The following GRM8 variants were observed in gnomAD, a reference collection of about 807,000 sequenced individuals.
GRM8 encodes the protein metabotropic glutamate receptor 8.
A neutral mutation model predicts 87.2 loss-of-function variants in GRM8; 47 were observed. The observed-to-expected ratio is 0.54, with a 90% confidence interval of 0.43 to 0.69. GRM8 has a LOEUF of 0.69. Among genes scored for constraint, GRM8 ranks in the 30% least tolerant of loss-of-function variants. The probability of loss-of-function intolerance (pLI) is 0.00; values close to 1 mark genes in which losing one functional copy is unlikely to be tolerated. For missense variants in GRM8, 1,019 were observed against 1,139.2 expected, an observed-to-expected ratio of 0.89 and a Z score of 1.52; for synonymous variants, 396 against 404.5, an observed-to-expected ratio of 0.98 and a Z score of 0.25.
intron 7 of GRM8, among the ~76,000 whole-genome samples, chr7:126,664,111 C>T (rs1585425492): frequency 6.6e-6 from 1 of 152,030 alleles, no homozygotes; most frequent in African/African-American, 2.4e-5. Flanking sequence ...AAAGGGACTA[C>T]AAGACACTGC....
chr7:127,206,624 A>T (rs1298174902), intron 2 of GRM8, among the ~76,000 whole-genome samples: 2 of 145,316 alleles, frequency 1.4e-5, no homozygotes, highest in African/African-American at 5.7e-5. Flanking sequence ...ACAAAACTTC[A>T]GAAAACTCCC....
At chr7:127,174,900 T>C (rs188729330) in intron 2 of GRM8, among the ~76,000 whole-genome samples, 12 of 152,316 alleles carry the variant, frequency 7.9e-5, no homozygotes, top group African/African-American at 2.9e-4. Context: ...AGGTGCTTCT[T>C]TCCCTTAAGG....
At chr7:126,441,506 T>C (rs557445444) in intron 10 of GRM8, among the ~76,000 whole-genome samples, 16 of 152,208 alleles carry the variant, frequency 1.1e-4, no homozygotes, top group African/African-American at 3.8e-4. Flanking sequence ...AAATGTGATG[T>C]CCTATTTTTT....
At chr7:127,079,136 T>C (rs1336467794) in intron 3 of GRM8, among the ~76,000 whole-genome samples, 2 of 152,170 alleles carry the variant, frequency 1.3e-5, no homozygotes, top group African/African-American at 2.4e-5. Flanking sequence ...TCTTTCTTTT[T>C]CTGAGACAGA....
At chr7:127,070,059 G>A (rs906290771) in intron 3 of GRM8, among the ~76,000 whole-genome samples, 2 of 152,134 alleles carry the variant, frequency 1.3e-5, no homozygotes, top group African/African-American at 4.8e-5. Context: ...TCAGTAACAG[G>A]ATGATGGGCA....
At chr7:127,127,466 T>C (rs1340198672) in intron 2 of GRM8, among the ~76,000 whole-genome samples, 1 of 152,032 alleles carries the variant, frequency 6.6e-6, no homozygotes, top group East Asian at 1.9e-4. Flanking sequence ...CAAAATAAAT[T>C]ACTGATGAAC....
chr7:126,931,199 A>G (rs1365127963), intron 3 of GRM8, among the ~76,000 whole-genome samples: 2 of 152,230 alleles, frequency 1.3e-5, no homozygotes. Flanking sequence ...CTAACAAACC[A>G]CAGCATATGA....
chr7:126,699,534 A>G (rs762469255), intron 7 of GRM8, among the ~76,000 whole-genome samples: 2 of 152,190 alleles, frequency 1.3e-5, no homozygotes, highest in Non-Finnish European at 2.9e-5. Flanking sequence ...ACTGCTAAAT[A>G]AAAAAGCAGT....
chr7:127,178,986 A>G (rs572706718), intron 2 of GRM8, among the ~76,000 whole-genome samples: 1 of 152,114 alleles, frequency 6.6e-6, no homozygotes, highest in Non-Finnish European at 1.5e-5. Context: ...ATAAAGAGCA[A>G]GATGAATGCA....
intron 3 of GRM8, among the ~76,000 whole-genome samples, chr7:126,936,603 T>A (rs1343851457): frequency 2.0e-5 from 3 of 152,124 alleles, no homozygotes; most frequent in Non-Finnish European, 4.4e-5. Context: ...GCCAATAAGG[T>A]ATAACTAGGA....
chr7:126,798,902 C>G (rs1056771788), intron 6 of GRM8, among the ~76,000 whole-genome samples: 1 of 152,040 alleles, frequency 6.6e-6, no homozygotes, highest in Admixed American at 6.6e-5. Context: ...GAATGTGGAT[C>G]AGAAAGAACA....
chr7:127,132,372 T>C (rs1453026203), intron 2 of GRM8, among the ~76,000 whole-genome samples: 2 of 152,218 alleles, frequency 1.3e-5, no homozygotes, highest in Admixed American at 1.3e-4. Context: ...TTCCTTTTAA[T>C]TATTTCTTCT....
At position 126,979,139 on chromosome 7, in the gene GRM8, G is replaced by T. The variant is rs115129258; in HGVS notation, c.728-74456C>A. The stretch of plus-strand genomic sequence containing the variant: ...ACATGCCAAACATCTGCTCCCACAT[G>T]CAGCTCAATACATGATATTGATATG... On this transcript the variant is annotated intron_variant, in intron 3 of 10. Transcript: ENST00000339582. Among the ~76,000 whole-genome samples the T allele has an allele frequency of 9.7e-3, 1,479 of 152,210 alleles. 27 individuals are homozygous for T. The highest frequency in any genetic ancestry group is 0.033 in the African/African-American group (1,360 of 41,534).
chr7:126,621,776 T>A (rs1800206141), intron 7 of GRM8, among the ~76,000 whole-genome samples: 1 of 152,084 alleles, frequency 6.6e-6, no homozygotes, highest in Non-Finnish European at 1.5e-5. Context: ...ACTATCATAG[T>A]CACTCTCTGG....
At chr7:126,769,583 T>C (rs925865362) in intron 7 of GRM8, among the ~76,000 whole-genome samples, 1 of 152,160 alleles carries the variant, frequency 6.6e-6, no homozygotes, top group Non-Finnish European at 1.5e-5. Context: ...TGGTTTCAAA[T>C]AAGCCTTCTA....
At chr7:126,914,028 C>G (rs1304144863) in intron 3 of GRM8, among the ~76,000 whole-genome samples, 1 of 152,048 alleles carries the variant, frequency 6.6e-6, no homozygotes, top group Non-Finnish European at 1.5e-5. Context: ...CTCTGAAAAG[C>G]AATGCAATGA....
At chr7:126,610,847 AC>A (rs1293532043) in intron 7 of GRM8, among the ~76,000 whole-genome samples, 1 of 152,190 alleles carries the variant, frequency 6.6e-6, no homozygotes, top group African/African-American at 2.4e-5. Flanking sequence ...CTCTGATGAG[AC>A]TACAGACATC....
intron 9 of GRM8, among the ~76,000 whole-genome samples, chr7:126,504,683 T>C (rs1810174422): frequency 6.6e-6 from 1 of 152,054 alleles, no homozygotes; most frequent in African/African-American, 2.4e-5. Context: ...CTTTAATCAA[T>C]CAATGCACCA....
chr7:126,785,267 G>A (rs757684916), intron 6 of GRM8, among the ~76,000 whole-genome samples: 6 of 152,148 alleles, frequency 3.9e-5, no homozygotes, highest in Non-Finnish European at 8.8e-5. Context: ...GGGTATTGGA[G>A]TAATCTGGTA....
Sources: allele counts gnomAD v4.1 joint callset (sites outside exome capture counted in the v4.1 genomes callset), GRCh38; gene constraint gnomAD v4.1.1; transcripts MANE v1.5; gene names NCBI Gene and HGNC (gene_info 2026-07-23, HGNC 2026-07-21).